CDKAL1: variants seen among roughly 807,000 people sequenced by gnomAD.
CDKAL1 encodes the protein threonylcarbamoyladenosine tRNA methylthiotransferase.
A neutral mutation model predicts 68.2 loss-of-function variants in CDKAL1; 32 were observed. That is an observed-to-expected ratio of 0.47 (90% CI 0.35 to 0.63). The LOEUF (loss-of-function observed/expected upper bound fraction) is 0.63. Among genes scored for constraint, CDKAL1 ranks in the 30% least tolerant of loss-of-function variants. CDKAL1 has a pLI of 0.00. For synonymous variants in CDKAL1, 234 were observed against 244.3 expected (o/e 0.96, Z 0.39); for missense variants, 606 against 696.7 (o/e 0.87, Z 1.47).
intron 15 of CDKAL1, among the ~76,000 whole-genome samples, chr6:21,205,344 T>A (rs115311487): frequency 0.29 from 44,529 of 152,238 alleles, 7,717 homozygotes; most frequent in African/African-American, 0.49. Context: ...GATTGTATGG[T>A]CCTCTATTTT....
chr6:20,632,255 G>T (rs1767705391), intron 4 of CDKAL1, among the ~76,000 whole-genome samples: 1 of 152,192 alleles, frequency 6.6e-6, no homozygotes, highest in Non-Finnish European at 1.5e-5. Context: ...TAGATTATTA[G>T]TTGTTTACCT....
intron 13 of CDKAL1, among the ~76,000 whole-genome samples, chr6:21,144,909 C>G (rs1251407903): frequency 6.6e-6 from 1 of 152,164 alleles, no homozygotes; most frequent in Non-Finnish European, 1.5e-5. Context: ...TACATATTTT[C>G]TAAGATTTTC....
rs143459791 is a variant in CDKAL1, at chr6:20,729,671, T to C, written c.372-9848T>C. Reference sequence around the variant, plus strand: ...GAAATTCTATTACAGGTAAAGACGCTGAAGCAGAGAGAGGTTAAGTAATTC... The same window carrying C: ...GAAATTCTATTACAGGTAAAGACGCCGAAGCAGAGAGAGGTTAAGTAATTC... On this transcript the variant is annotated intron_variant, in intron 5 of 15. Transcript: ENST00000274695. Among the ~76,000 whole-genome samples the C allele has an allele frequency of 2.0e-5, 3 of 152,320 alleles. No individual in the cohort carries two copies. The East Asian group carries it at 5.8e-4, about 29-fold the overall frequency.
At chr6:21,000,925 A>G (rs1308507432) in intron 11 of CDKAL1, among the ~76,000 whole-genome samples, 1 of 152,252 alleles carries the variant, frequency 6.6e-6, no homozygotes, top group Non-Finnish European at 1.5e-5. Context: ...AAATTAAGGC[A>G]TATTTACACA....
intron 9 of CDKAL1, among the ~76,000 whole-genome samples, chr6:20,905,485 G>A (rs568786153): frequency 3.3e-5 from 5 of 152,324 alleles, no homozygotes; most frequent in East Asian, 1.9e-4. Flanking sequence ...CATGTGCATT[G>A]TGGAAATTCC....
At position 20,727,390 on chromosome 6, in the gene CDKAL1, T is replaced by G. The variant is rs116785840; in HGVS notation, c.372-12129T>G. On this transcript the variant is annotated intron_variant, in intron 5 of 15. Transcript: ENST00000274695. ...CAGGGTTTAACAAATGAATGTGACT[T>G]AAGGACACAGTTAGAATTTGGGGCT... Among the ~76,000 whole-genome samples, 637 of 152,264 alleles carry G rather than the reference T, an allele frequency of 4.2e-3. 7 individuals are homozygous for G. Among genetic ancestry groups the G allele is most frequent in the African/African-American group, 0.015 (610 of 41,554 alleles).
intron 10 of CDKAL1, among the ~76,000 whole-genome samples, chr6:20,992,479 A>G (rs775217552): frequency 6.6e-6 from 1 of 152,188 alleles, no homozygotes; most frequent in African/African-American, 2.4e-5. Context: ...GAGCCAGGAA[A>G]TGTGGGTGAA....
intron 8 of CDKAL1, among the ~76,000 whole-genome samples, chr6:20,815,456 G>C (rs775025272): frequency 6.6e-6 from 1 of 151,558 alleles, no homozygotes; most frequent in African/African-American, 2.4e-5. Context: ...CAGTTTAACT[G>C]GGTTTTCAAA....
chr6:20,851,365 A>G (rs1759002527), intron 9 of CDKAL1, among the ~76,000 whole-genome samples: 1 of 152,168 alleles, frequency 6.6e-6, no homozygotes, highest in South Asian at 2.1e-4. Flanking sequence ...GGATATTTGT[A>G]TTGATTTTTC....
At chr6:20,985,534 A>G (rs891682660) in intron 10 of CDKAL1, among the ~76,000 whole-genome samples, 1 of 152,150 alleles carries the variant, frequency 6.6e-6, no homozygotes, top group African/African-American at 2.4e-5. Flanking sequence ...ATCTCAGGTG[A>G]TCTGCCCACC....
chr6:21,204,554 G>T (rs149285538), intron 15 of CDKAL1, among the ~76,000 whole-genome samples: 1,933 of 152,180 alleles, frequency 0.013, 15 homozygotes, highest in Non-Finnish European at 0.02. Context: ...AACATTTATG[G>T]CGTGCTTATC....
intron 4 of CDKAL1, among the ~76,000 whole-genome samples, chr6:20,561,593 A>G (rs1764272635): frequency 2.0e-5 from 3 of 152,002 alleles, no homozygotes; most frequent in Admixed American, 2.0e-4. Flanking sequence ...TGAAGATGGC[A>G]GTGGTAGTCC....
rs181498129 is a variant in CDKAL1, at chr6:20,890,413, A to G, written c.742+44235A>G. Among the ~76,000 whole-genome samples, 132 of 152,376 alleles carry G rather than the reference A, an allele frequency of 8.7e-4. 1 individual carries two copies. The highest frequency in any genetic ancestry group is 1.1e-3 in the Non-Finnish European group (77 of 68,036). On this transcript the variant is annotated intron_variant, in intron 9 of 15. Coordinates refer to ENST00000274695, the MANE Select transcript of CDKAL1 (RefSeq NM_017774.3). ...CCGGATTGGAACACTGTACACATTC[A>G]TGAGGAGAAAAGTGCTCAGCAATAG...
chr6:20,868,675 C>T (rs925120703), intron 9 of CDKAL1, among the ~76,000 whole-genome samples: 2 of 152,202 alleles, frequency 1.3e-5, no homozygotes, highest in Non-Finnish European at 1.5e-5. Context: ...GTTGATTACA[C>T]GTTCTTGTTA....
chr6:20,570,381 G>A (rs1764650526), intron 4 of CDKAL1, among the ~76,000 whole-genome samples: 1 of 149,940 alleles, frequency 6.7e-6, no homozygotes, highest in South Asian at 2.1e-4. Context: ...GGATTACAGG[G>A]GTGAGCCACT....
At chr6:21,213,687 T>A (rs945903527) in intron 15 of CDKAL1, among the ~76,000 whole-genome samples, 22 of 152,296 alleles carry the variant, frequency 1.4e-4, no homozygotes, top group African/African-American at 5.1e-4. Flanking sequence ...TGGGAAGTGA[T>A]TTCCCCTGCC....
chr6:20,862,245 C>T (rs1759669877), intron 9 of CDKAL1, among the ~76,000 whole-genome samples: 1 of 152,156 alleles, frequency 6.6e-6, no homozygotes, highest in African/African-American at 2.4e-5. Context: ...CAGTTTACAG[C>T]CTAGCATGTA....
intron 10 of CDKAL1, among the ~76,000 whole-genome samples, chr6:20,997,025 T>G (rs912032509): frequency 6.6e-6 from 1 of 152,232 alleles, no homozygotes; most frequent in Non-Finnish European, 1.5e-5. Flanking sequence ...TTTACACCTC[T>G]TTTCGTGTAT....
chr6:21,020,211 A>G (rs1768568303), intron 11 of CDKAL1, among the ~76,000 whole-genome samples: 1 of 152,074 alleles, frequency 6.6e-6, no homozygotes, highest in Admixed American at 6.5e-5. Context: ...CTTCATTTTC[A>G]TTTGCTTGGA....
Sources: allele counts gnomAD v4.1 joint callset (sites outside exome capture counted in the v4.1 genomes callset), GRCh38; gene constraint gnomAD v4.1.1; transcripts MANE v1.5; gene names NCBI Gene and HGNC (gene_info 2026-07-23, HGNC 2026-07-21).